YAF2: variants seen among roughly 807,000 people sequenced by gnomAD.
The protein encoded by YAF2 is YY1 associated factor 2, also known as YY1-associated factor 2.
YAF2 carries 7 observed loss-of-function variants against 20.1 expected under a neutral mutation model. The ratio of observed to expected loss-of-function variants is 0.35; its 90% CI spans 0.20 to 0.65. The LOEUF (loss-of-function observed/expected upper bound fraction) is 0.65, where lower values mean the gene tolerates loss of function less well. YAF2 is among the 30% of genes least tolerant of loss of function. The pLI is 0.69. For missense variants in YAF2, 151 were observed against 219.2 expected, an observed-to-expected ratio of 0.69 and a Z score of 1.96; for synonymous variants, 74 against 76.0, an observed-to-expected ratio of 0.97 and a Z score of 0.14.
At chr12:42,237,217 T>C (rs903941128) in intron 2 of YAF2, among the ~76,000 whole-genome samples, 1 of 152,148 alleles carries the variant, frequency 6.6e-6, no homozygotes, top group Non-Finnish European at 1.5e-5. Flanking sequence ...TTAAATTACA[T>C]CCTTTGCTCC....
intron 2 of YAF2, among the ~76,000 whole-genome samples, chr12:42,176,107 G>A (rs1195040794): frequency 6.6e-6 from 1 of 151,716 alleles, no homozygotes; most frequent in Non-Finnish European, 1.5e-5. Context: ...TTTGCCAAAC[G>A]TGGTGGTGTG....
intron 2 of YAF2, among the ~76,000 whole-genome samples, chr12:42,187,553 G>C (rs77447387): frequency 0.024 from 3,671 of 152,036 alleles, 149 homozygotes; most frequent in African/African-American, 0.084. Flanking sequence ...AGATACAATG[G>C]CATAACGTTT....
At chr12:42,181,142 G>A (rs748125735) in intron 2 of YAF2, among the ~76,000 whole-genome samples, 1 of 152,194 alleles carries the variant, frequency 6.6e-6, no homozygotes, top group Non-Finnish European at 1.5e-5. Context: ...CACATTCAGA[G>A]TGGGACAAGC....
At chr12:42,213,495 A>C (rs1156706532) in intron 2 of YAF2, among the ~76,000 whole-genome samples, 3 of 152,234 alleles carry the variant, frequency 2.0e-5, no homozygotes, top group Admixed American at 6.5e-5. Context: ...TTTCTGTGTA[A>C]AACTATTTTA....
At chr12:42,237,919 TCGC>T in intron 1 of YAF2, 195 bp from the exon 2 acceptor site, 1 of 460,844 alleles carries the variant, frequency 2.2e-6, no homozygotes, top group Non-Finnish European at 2.9e-6. Flanking sequence ...GCGGCCGCAG[TCGC>T]CGCCGCCACA....
At chr12:42,210,390 C>T (rs915883731) in intron 2 of YAF2, 2 of 1,532,426 alleles carry the variant, frequency 1.3e-6, no homozygotes, top group Non-Finnish European at 1.7e-6. Flanking sequence ...TCTTTTCCCT[C>T]ACAGATCCAC....
At chr12:42,212,535 A>G (rs954511452) in intron 2 of YAF2, 5 of 393,316 alleles carry the variant, frequency 1.3e-5, no homozygotes, top group Admixed American at 1.0e-4. Context: ...TAGTCTAGTA[A>G]CTAACTCACC....
At chr12:42,237,039 C>T (rs2137463398) in intron 2 of YAF2, among the ~76,000 whole-genome samples, 1 of 152,292 alleles carries the variant, frequency 6.6e-6, no homozygotes, top group South Asian at 2.1e-4. Flanking sequence ...AAATCTGTTC[C>T]TGTGACTGGG....
chr12:42,230,776 C>G (rs1362906915), intron 2 of YAF2, among the ~76,000 whole-genome samples: 1 of 151,978 alleles, frequency 6.6e-6, no homozygotes, highest in Non-Finnish European at 1.5e-5. Flanking sequence ...TATACAGATG[C>G]CAAGTTTGGG....
intron 2 of YAF2, among the ~76,000 whole-genome samples, chr12:42,168,360 T>G (rs1453405969): frequency 1.3e-5 from 2 of 151,970 alleles, no homozygotes; most frequent in African/African-American, 4.8e-5. Flanking sequence ...TTTTGTATTT[T>G]TAGTAGAAAC....
chr12:42,193,383 A>G (rs1287827897), intron 2 of YAF2, among the ~76,000 whole-genome samples: 7 of 152,156 alleles, frequency 4.6e-5, no homozygotes, highest in African/African-American at 1.7e-4. Flanking sequence ...ATGATAATAA[A>G]TGACTGTTAC....
intron 2 of YAF2, among the ~76,000 whole-genome samples, chr12:42,221,395 A>G (rs2067507407): frequency 6.6e-6 from 1 of 152,080 alleles, no homozygotes; most frequent in African/African-American, 2.4e-5. Flanking sequence ...ACATAGCAAG[A>G]CCTCATCTCT....
intron 2 of YAF2, among the ~76,000 whole-genome samples, chr12:42,167,640 C>T (rs1358125399): frequency 1.3e-5 from 2 of 152,132 alleles, no homozygotes; most frequent in Admixed American, 6.6e-5. Flanking sequence ...TTAGAATTAC[C>T]ATTTTTGGTT....
Position 42,161,632 on chromosome 12 carries a change from T to C in YAF2, c.286A>G (p.Asn96Asp). The C allele has an allele frequency of 1.3e-6, 2 of 1,593,072 alleles. No individual in the cohort carries two copies. Among genetic ancestry groups the C allele is most frequent in the Non-Finnish European group, 1.7e-6 (2 of 1,172,788 alleles). Reference sequence around the variant, plus strand: ...ATTTACCTGGTTTTCTTATGGCTATTCTTTTTGCTAGTTGTTTCCTTTTCA... The same window carrying C: ...ATTTACCTGGTTTTCTTATGGCTATCCTTTTTGCTAGTTGTTTCCTTTTCA... ...KSEKETTSKK[N>D]SHKKTRPRLK... The change falls in exon 3 of 4, where the codon AAT becomes GAT. Residue 96 changes from asparagine (N) to aspartate (D), a missense_variant. By Grantham distance (23) the Asn-to-Asp change is conservative (BLOSUM62 1). This residue lies in a region of YAF2 where 50 missense variants were observed against 112.0 expected (regional missense o/e 0.45). Transcript: ENST00000534854.
chr12:42,167,424 C>T (rs1374011687), intron 2 of YAF2, among the ~76,000 whole-genome samples: 2 of 152,070 alleles, frequency 1.3e-5, no homozygotes, highest in African/African-American at 4.8e-5. Flanking sequence ...CCAAAAGGTC[C>T]ATATGGTAAT....
intron 2 of YAF2, chr12:42,235,971 A>C: frequency 6.5e-7 from 1 of 1,536,136 alleles, no homozygotes; most frequent in Non-Finnish European, 8.7e-7. Flanking sequence ...GGAGTAGGAC[A>C]CCAGCTTCCC....
At position 42,157,961 on chromosome 12, in the gene YAF2, T is replaced by A. The variant is rs539443326; in HGVS notation, c.*2628A>T. 2.0e-5 allele frequency: 3 copies of A among 152,260 alleles called. No homozygotes were observed. In the South Asian group the frequency reaches 6.2e-4, roughly 32 times the overall value. The allele number at this position is 152,260 out of a possible 1,614,324, so 9.4% of individuals were successfully genotyped here. On this transcript the variant is annotated 3_prime_UTR_variant, in exon 4 of 4. Transcript: ENST00000534854. Reference sequence around the variant, plus strand: ...TATAGCAAAGTAAGGTAATAAATGCTGGAAAACATCCAAATTCTTTTTGTA... The same window carrying A: ...TATAGCAAAGTAAGGTAATAAATGCAGGAAAACATCCAAATTCTTTTTGTA...
At chr12:42,212,238 A>T (rs1006310065) in intron 2 of YAF2, among the ~76,000 whole-genome samples, 3 of 152,210 alleles carry the variant, frequency 2.0e-5, no homozygotes, top group Non-Finnish European at 4.4e-5. Flanking sequence ...CAAAAGAAAA[A>T]AATCTCTCCA....
intron 2 of YAF2, among the ~76,000 whole-genome samples, chr12:42,179,039 C>T (rs1293018952): frequency 6.6e-6 from 1 of 152,058 alleles, no homozygotes; most frequent in African/African-American, 2.4e-5. Flanking sequence ...TGAAACAAAG[C>T]GAGACCCTCT....
Sources: allele counts gnomAD v4.1 joint callset (sites outside exome capture counted in the v4.1 genomes callset), GRCh38; gene constraint gnomAD v4.1.1; regional missense constraint gnomAD v4.1.1; transcripts MANE v1.5; gene names NCBI Gene and HGNC (gene_info 2026-07-23, HGNC 2026-07-21).